PTPN14: variants seen among roughly 807,000 people sequenced by gnomAD.
PTPN14 encodes the protein protein tyrosine phosphatase non-receptor type 14, also known as tyrosine-protein phosphatase non-receptor type 14.
In PTPN14, 53 loss-of-function variants were observed where a neutral mutation model predicts 126.8. The observed-to-expected ratio is 0.42, with a 90% CI of 0.34 to 0.53. The LOEUF is 0.53. Among genes scored for constraint, PTPN14 ranks in the 20% least tolerant of loss-of-function variants. The pLI is 0.08. For missense variants in PTPN14, 1,257 were observed against 1,552.9 expected, an observed-to-expected ratio of 0.81 and a Z score of 3.20; for synonymous variants, 630 against 599.3, an observed-to-expected ratio of 1.05 and a Z score of -0.75.
At chr1:214,394,331 C>G (rs1658826285) in intron 9 of PTPN14, among the ~76,000 whole-genome samples, 1 of 152,178 alleles carries the variant, frequency 6.6e-6, no homozygotes, top group South Asian at 2.1e-4. Flanking sequence ...CAATGTGATC[C>G]ATCACACATA....
chr1:214,506,547 A>G (rs1654848868), intron 1 of PTPN14, among the ~76,000 whole-genome samples: 1 of 152,138 alleles, frequency 6.6e-6, no homozygotes. Flanking sequence ...ATAAATATAA[A>G]AACTATTTCT....
Position 214,538,757 on chromosome 1 carries a change from A to G in PTPN14, c.-155+12426T>C, listed in dbSNP as rs530230602. Among the ~76,000 whole-genome samples the G allele has an allele frequency of 3.9e-5, 6 of 152,322 alleles. No homozygotes were observed. In the South Asian group the frequency reaches 1.2e-3, roughly 32 times the overall value. Reference sequence around the variant, plus strand: ...CTAACTAAGTAAGTGGGGGAGACAGAGGGCAGAAGGCCAGAATTTGCAGAA... The same window carrying G: ...CTAACTAAGTAAGTGGGGGAGACAGGGGGCAGAAGGCCAGAATTTGCAGAA... On this transcript the variant is annotated intron_variant, in intron 1 of 18. Transcript: ENST00000366956.
At chr1:214,376,175 C>A (rs1658338484) in intron 15 of PTPN14, 44 bp downstream of exon 15, 6 of 1,565,678 alleles carry the variant, frequency 3.8e-6, no homozygotes, top group Middle Eastern at 1.7e-4. Flanking sequence ...TTCCCTTTAA[C>A]CCAGCCATCT....
chr1:214,467,815 C>T (rs977279435), intron 1 of PTPN14, among the ~76,000 whole-genome samples: 2 of 152,130 alleles, frequency 1.3e-5, no homozygotes, highest in Admixed American at 6.5e-5. Context: ...AGAAAATACA[C>T]ATTTTGATTT....
chr1:214,453,365 GA>G (rs1237945409), intron 2 of PTPN14, among the ~76,000 whole-genome samples: 1 of 152,160 alleles, frequency 6.6e-6, no homozygotes, highest in Non-Finnish European at 1.5e-5. Context: ...TGAATAGAAA[GA>G]AAACAGACTT....
At position 214,349,243 on chromosome 1, in the gene PTPN14, CTT is replaced by C. The variant is rs1657657709; in HGVS notation, c.*8677_*8678del. 6.6e-6 allele frequency: 1 copy of C among 152,194 alleles called. No individual in the cohort carries two copies. Among genetic ancestry groups the C allele is most frequent in the Non-Finnish European group, 1.5e-5 (1 of 68,046 alleles). The allele number at this position is 152,194 out of a possible 1,614,324, so 9.4% of individuals were successfully genotyped here. ...CCAAGTCCCAACCTGGAATGCATTT[CTT>C]ACGGCAACAACATAAGAGATGGTGA... On this transcript the variant is annotated 3_prime_UTR_variant, in exon 19 of 19. Coordinates refer to ENST00000366956, the MANE Select transcript of PTPN14 (RefSeq NM_005401.5).
At chr1:214,477,324 T>C (rs1290904258) in intron 1 of PTPN14, among the ~76,000 whole-genome samples, 1 of 152,176 alleles carries the variant, frequency 6.6e-6, no homozygotes, top group Non-Finnish European at 1.5e-5. Flanking sequence ...ACAGACATGG[T>C]CGTGCTGCTC....
chr1:214,389,378 G>A (rs919294118), intron 11 of PTPN14, among the ~76,000 whole-genome samples: 4 of 152,100 alleles, frequency 2.6e-5, no homozygotes, highest in Non-Finnish European at 4.4e-5. Flanking sequence ...ATTTCATCTC[G>A]TTATATATTC....
In PTPN14 at chr1:214,533,659, A is replaced by G. The variant is rs151325804; in HGVS notation, c.-155+17524T>C. ...ATCCTGGCTAACACGGTGAAACCCC[A>G]TCTCTACTAAAAATACAAAAACAAA... On this transcript the variant is annotated intron_variant, in intron 1 of 18. Coordinates refer to ENST00000366956, the MANE Select transcript of PTPN14 (RefSeq NM_005401.5). Among the ~76,000 whole-genome samples, 527 of 152,040 alleles carry G rather than the reference A, an allele frequency of 3.5e-3. 3 individuals carry two copies. The highest frequency in any genetic ancestry group is 5.9e-3 in the Non-Finnish European group (402 of 67,946).
intron 3 of PTPN14, among the ~76,000 whole-genome samples, chr1:214,427,307 AT>A (rs1659690720): frequency 6.8e-6 from 1 of 147,144 alleles, no homozygotes; most frequent in Non-Finnish European, 1.5e-5. Flanking sequence ...AAAAATTATG[AT>A]TGCAGAAAAT....
chr1:214,514,428 T>C (rs1655050678), intron 1 of PTPN14, among the ~76,000 whole-genome samples: 1 of 152,146 alleles, frequency 6.6e-6, no homozygotes, highest in Admixed American at 6.5e-5. Context: ...ATTTTCCAAA[T>C]TTGCCATATA....
At chr1:214,461,171 T>G (rs1660502332) in intron 2 of PTPN14, among the ~76,000 whole-genome samples, 1 of 152,034 alleles carries the variant, frequency 6.6e-6, no homozygotes, top group African/African-American at 2.4e-5. Flanking sequence ...CTAATAAAAT[T>G]TAGTGGCAAA....
intron 1 of PTPN14, among the ~76,000 whole-genome samples, chr1:214,490,147 G>A (rs1221148366): frequency 1.3e-5 from 2 of 152,202 alleles, no homozygotes; most frequent in Non-Finnish European, 1.5e-5. Context: ...ATGAGGCAAT[G>A]GGGTGGTGGA....
chr1:214,533,843 C>CAAAA (rs200765209), intron 1 of PTPN14, among the ~76,000 whole-genome samples: 1 of 64,492 alleles, frequency 1.6e-5, no homozygotes, highest in Non-Finnish European at 3.8e-5. Context: ...TCTCAAAAAA[C>CAAAA]AAAAAAAAAA....
At chr1:214,445,733 C>T (rs1407111312) in intron 3 of PTPN14, among the ~76,000 whole-genome samples, 3 of 152,104 alleles carry the variant, frequency 2.0e-5, no homozygotes, top group African/African-American at 7.2e-5. Context: ...AAACCCCAGA[C>T]CTAAACTAAA....
At chr1:214,435,632 C>T (rs945985461) in intron 3 of PTPN14, among the ~76,000 whole-genome samples, 1 of 152,018 alleles carries the variant, frequency 6.6e-6, no homozygotes, top group Non-Finnish European at 1.5e-5. Flanking sequence ...ATGTGGCCAA[C>T]AAGCATAAGA....
At chr1:214,534,662 A>G (rs1338295724) in intron 1 of PTPN14, among the ~76,000 whole-genome samples, 1 of 151,716 alleles carries the variant, frequency 6.6e-6, no homozygotes, top group Non-Finnish European at 1.5e-5. Flanking sequence ...GCAGTGAGCC[A>G]AGACCGCGCC....
At chr1:214,459,848 A>G (rs1170300347) in intron 2 of PTPN14, among the ~76,000 whole-genome samples, 1 of 152,200 alleles carries the variant, frequency 6.6e-6, no homozygotes, top group Non-Finnish European at 1.5e-5. Flanking sequence ...TCCTCCTTGG[A>G]GTCCTCTGAT....
chr1:214,531,466 T>C (rs934567413), intron 1 of PTPN14: 4 of 149,302 alleles, frequency 2.7e-5, no homozygotes, highest in African/African-American at 1.0e-4. Context: ...GACCCAACTA[T>C]CATTTCCAAA....
Sources: gnomAD v4.1 joint callset for allele counts (sites outside exome capture counted in the v4.1 genomes callset) on GRCh38, gnomAD v4.1.1 for gene constraint, MANE v1.5 for transcripts, NCBI Gene and HGNC (gene_info 2026-07-23, HGNC 2026-07-21) for gene names.